NEGR1: variants seen among roughly 807,000 people sequenced by gnomAD.
The protein encoded by NEGR1 is neuronal growth regulator 1, also known as IgLON family member 4.
Under a neutral mutation model 40.9 loss-of-function variants are expected in NEGR1, and 10 were observed. The observed-to-expected ratio is 0.24, with a 90% CI of 0.15 to 0.42. NEGR1 has a LOEUF of 0.42. Ranked by LOEUF, NEGR1 falls within the 10% of genes least tolerant of loss-of-function variation. NEGR1 has a pLI of 1.00. For missense variants in NEGR1, 352 were observed against 438.9 expected, an observed-to-expected ratio of 0.80 and a Z score of 1.77; for synonymous variants, 185 against 166.8, an observed-to-expected ratio of 1.11 and a Z score of -0.84.
chr1:71,852,250 C>G (rs1004357872), intron 2 of NEGR1, among the ~76,000 whole-genome samples: 1 of 152,046 alleles, frequency 6.6e-6, no homozygotes, highest in African/African-American at 2.4e-5. Flanking sequence ...AAAATCCAGG[C>G]AACATAAAGT....
chr1:71,756,901 T>C (rs1247750922), intron 3 of NEGR1, among the ~76,000 whole-genome samples: 3 of 151,762 alleles, frequency 2.0e-5, no homozygotes. Flanking sequence ...AAAAACAAAA[T>C]TGTTTAATAA....
intron 2 of NEGR1, among the ~76,000 whole-genome samples, chr1:71,811,676 G>GC (rs1658006805): frequency 6.7e-6 from 1 of 150,304 alleles, no homozygotes; most frequent in African/African-American, 2.4e-5. Context: ...TAGAATATAA[G>GC]CCTGTTTTAG....
rs184656815 is a variant in NEGR1, at chr1:72,277,551, T to C, written c.176+4768A>G. Among the ~76,000 whole-genome samples the C allele has an allele frequency of 7.6e-3, 1,155 of 152,306 alleles. 10 individuals carry two copies. Among genetic ancestry groups the C allele is most frequent in the Non-Finnish European group, 0.012 (829 of 68,024 alleles). The stretch of plus-strand genomic sequence containing the variant: ...ACTTTTATTAATAGTTGTGTACTAA[T>C]GTATCAAGTAATATATCTTGCCAAT... On this transcript the variant is annotated intron_variant, in intron 1 of 6. Coordinates refer to ENST00000357731, the MANE Select transcript of NEGR1 (RefSeq NM_173808.3).
intron 6 of NEGR1, among the ~76,000 whole-genome samples, chr1:71,485,202 T>C (rs1646880165): frequency 7.2e-6 from 1 of 137,942 alleles, no homozygotes. Context: ...ACCCTATTTC[T>C]TATGCTCCTC....
chr1:71,800,341 C>T (rs2101747370), intron 2 of NEGR1, among the ~76,000 whole-genome samples: 1 of 152,238 alleles, frequency 6.6e-6, no homozygotes, highest in South Asian at 2.1e-4. Context: ...TACAGAAGCT[C>T]TTTAGTTTAA....
At chr1:72,031,218 C>T (rs1027731258) in intron 1 of NEGR1, among the ~76,000 whole-genome samples, 4 of 152,152 alleles carry the variant, frequency 2.6e-5, no homozygotes, top group Admixed American at 2.0e-4. Flanking sequence ...ATAAGAGACA[C>T]TACTTGGATT....
At chr1:72,152,633 A>G (rs1038416524) in intron 1 of NEGR1, among the ~76,000 whole-genome samples, 10 of 151,942 alleles carry the variant, frequency 6.6e-5, no homozygotes, top group Non-Finnish European at 1.3e-4. Context: ...GGAATTATAT[A>G]CCCAAAGGAA....
intron 2 of NEGR1, among the ~76,000 whole-genome samples, chr1:71,896,526 A>C (rs1461702725): frequency 6.6e-6 from 1 of 152,092 alleles, no homozygotes; most frequent in African/African-American, 2.4e-5. Context: ...GATCCTTTGA[A>C]ATACAGTTGT....
chr1:72,258,691 T>TATAAA (rs1655356682), intron 1 of NEGR1, among the ~76,000 whole-genome samples: 1 of 152,108 alleles, frequency 6.6e-6, no homozygotes, highest in South Asian at 2.1e-4. Flanking sequence ...AAACTCTACC[T>TATAAA]TAAAAATTCA....
intron 1 of NEGR1, among the ~76,000 whole-genome samples, chr1:72,032,647 T>C (rs1252823418): frequency 6.6e-6 from 1 of 152,202 alleles, no homozygotes; most frequent in East Asian, 1.9e-4. Flanking sequence ...CAGAATGTTA[T>C]TTGCACAGTT....
At chr1:72,200,718 T>A (rs1312745170) in intron 1 of NEGR1, among the ~76,000 whole-genome samples, 1 of 151,944 alleles carries the variant, frequency 6.6e-6, no homozygotes, top group Non-Finnish European at 1.5e-5. Context: ...GGAATTTTAA[T>A]AAGCAATAGT....
intron 6 of NEGR1, among the ~76,000 whole-genome samples, chr1:71,561,267 C>T (rs1648448455): frequency 1.3e-5 from 2 of 151,652 alleles, no homozygotes; most frequent in Non-Finnish European, 3.0e-5. Context: ...TTTGATTTAA[C>T]ACTCAAATTT....
chr1:71,513,951 G>C (rs1027957789), intron 6 of NEGR1, among the ~76,000 whole-genome samples: 1 of 139,830 alleles, frequency 7.2e-6, no homozygotes, highest in African/African-American at 2.7e-5. Flanking sequence ...CCGAGTCAAA[G>C]AAAGGGGTGA....
chr1:71,562,162 TAAA>T (rs1648482915), intron 6 of NEGR1, among the ~76,000 whole-genome samples: 1 of 151,758 alleles, frequency 6.6e-6, no homozygotes, highest in African/African-American at 2.4e-5. Flanking sequence ...TTGTCATTAA[TAAA>T]TGGCAAAGAT....
rs189769546 is a variant in NEGR1 at position 71,960,050 on chromosome 1, T to G, written c.177-24739A>C. Among the ~76,000 whole-genome samples the G allele has an allele frequency of 3.9e-5, 6 of 152,234 alleles. No homozygotes were observed. In the East Asian group the frequency reaches 1.2e-3, roughly 29 times the overall value. ...ATCCCTTAGCTCTCAAATTAAAAAC[T>G]TTCATAGGTAGGAAGTAGGGCAAGC... On this transcript the variant is annotated intron_variant, in intron 1 of 6. Coordinates refer to ENST00000357731, the MANE Select transcript of NEGR1 (RefSeq NM_173808.3).
intron 3 of NEGR1, among the ~76,000 whole-genome samples, chr1:71,748,876 C>CA (rs1017526283): frequency 1.1e-4 from 16 of 149,398 alleles, no homozygotes; most frequent in East Asian, 7.8e-4. Flanking sequence ...ACAGGAGGAA[C>CA]AAAAAAAAAT....
intron 3 of NEGR1, chr1:71,703,468 G>A (rs1473896241): frequency 1.4e-5 from 2 of 143,892 alleles, no homozygotes; most frequent in Non-Finnish European, 3.0e-5. Context: ...TGGAAAAACA[G>A]TCAATAGAAA....
At chr1:72,010,547 C>T (rs930107340) in intron 1 of NEGR1, among the ~76,000 whole-genome samples, 1 of 151,938 alleles carries the variant, frequency 6.6e-6, no homozygotes, top group Non-Finnish European at 1.5e-5. Flanking sequence ...CTCTTCATAC[C>T]TGCCAGTCTC....
chr1:72,281,977 CAG>C (rs1324292460), intron 1 of NEGR1, among the ~76,000 whole-genome samples: 3 of 152,096 alleles, frequency 2.0e-5, no homozygotes, highest in Non-Finnish European at 4.4e-5. Context: ...ATAAACTTGT[CAG>C]ACTCTCCAGG....
Sources: allele counts gnomAD v4.1 joint callset (sites outside exome capture counted in the v4.1 genomes callset), GRCh38; gene constraint gnomAD v4.1.1; transcripts MANE v1.5; gene names NCBI Gene and HGNC (gene_info 2026-07-23, HGNC 2026-07-21).